The following CACNA1E variants were observed in gnomAD, a reference collection of about 807,000 sequenced individuals.
The protein encoded by CACNA1E is voltage-dependent R-type calcium channel subunit alpha-1E.
CACNA1E carries 40 observed loss-of-function variants against 259.2 expected under a neutral mutation model. The ratio of observed to expected loss-of-function variants is 0.15; its 90% CI spans 0.12 to 0.20. CACNA1E has a LOEUF of 0.20. Among genes scored for constraint, CACNA1E ranks in the 10% least tolerant of loss-of-function variants. CACNA1E has a pLI of 1.00. For synonymous variants in CACNA1E, 1,104 were observed against 1,138.5 expected (o/e 0.97, Z 0.61); for missense variants, 1,874 against 3,040.1 (o/e 0.62, Z 9.02).
chr1:181,738,245 G>A, intron 23 of CACNA1E, 122 bp from the exon 24 acceptor site: 1 of 762,218 alleles, frequency 1.3e-6, no homozygotes, highest in Non-Finnish European at 2.4e-6. Flanking sequence ...TTTGTTCTGA[G>A]GGTGCAGTGG....
chr1:181,724,992 A>C lies in CACNA1E; in HGVS notation c.2142+455A>C, dbSNP rs1654765043. Among the ~76,000 whole-genome samples the C allele has an allele frequency of 2.0e-5, 3 of 152,184 alleles. No homozygotes were observed. In the South Asian group the frequency reaches 6.2e-4, roughly 32 times the overall value. ...GCTGTTGGGATATTCCAGTAGGCAA[A>C]GGTCATTTTGGGGAAATTTCAATGA... On this transcript the variant is annotated intron_variant, in intron 17 of 47. Coordinates refer to ENST00000367573, the MANE Select transcript of CACNA1E (RefSeq NM_001205293.3).
At chr1:181,389,811 A>T (rs917475388) in intron 1 of CACNA1E, among the ~76,000 whole-genome samples, 2 of 152,246 alleles carry the variant, frequency 1.3e-5, no homozygotes, top group Non-Finnish European at 2.9e-5. Flanking sequence ...GTGCTGATTT[A>T]GAGCAGAAGG....
intron 1 of CACNA1E, among the ~76,000 whole-genome samples, chr1:181,354,711 G>A (rs993653047): frequency 6.6e-6 from 1 of 152,218 alleles, no homozygotes; most frequent in Non-Finnish European, 1.5e-5. Flanking sequence ...AGGGAAAAGG[G>A]CAGTAGAGCC....
At chr1:181,764,013 T>G (rs1658813064) in intron 34 of CACNA1E, among the ~76,000 whole-genome samples, 1 of 152,228 alleles carries the variant, frequency 6.6e-6, no homozygotes, top group African/African-American at 2.4e-5. Flanking sequence ...CCCACCTTTG[T>G]CTTCATCAGT....
In CACNA1E at chr1:181,690,109, G is replaced by A. The variant is rs575089214; in HGVS notation, c.1056-20845G>A. On this transcript the variant is annotated intron_variant, in intron 7 of 47. Coordinates refer to ENST00000367573, the MANE Select transcript of CACNA1E (RefSeq NM_001205293.3). The stretch of plus-strand genomic sequence containing the variant: ...TCTTATGGGGTTTTTATGGTTTGGG[G>A]TCTTACGTTTAAGTCTTTCATCCAT... Among the ~76,000 whole-genome samples the A allele has an allele frequency of 2.8e-4, 42 of 152,302 alleles. 1 individual carries two copies. Among genetic ancestry groups the A allele is most frequent in the African/African-American group, 9.9e-4 (41 of 41,566 alleles).
intron 29 of CACNA1E, 92 bp downstream of exon 29, chr1:181,756,185 T>C: frequency 7.9e-7 from 1 of 1,271,578 alleles, no homozygotes; most frequent in East Asian, 2.5e-5. Flanking sequence ...GGCTCACGCT[T>C]TGTTATTGTA....
upstream of CACNA1E, among the ~76,000 whole-genome samples, chr1:181,481,371 C>G (rs577233485): frequency 6.7e-6 from 1 of 149,272 alleles, no homozygotes; most frequent in Non-Finnish European, 1.5e-5. Context: ...CACACACACA[C>G]TCTCACATAC....
intron 3 of CACNA1E, among the ~76,000 whole-genome samples, chr1:181,518,199 A>G (rs1666733954): frequency 6.6e-6 from 1 of 152,066 alleles, no homozygotes; most frequent in Non-Finnish European, 1.5e-5. Flanking sequence ...AGATGAACAG[A>G]TATTTATTTA....
At chr1:181,610,113 A>G (rs1378519587) in intron 6 of CACNA1E, among the ~76,000 whole-genome samples, 1 of 152,184 alleles carries the variant, frequency 6.6e-6, no homozygotes, top group Non-Finnish European at 1.5e-5. Context: ...CTGACCTCTT[A>G]CTGTAAAAGC....
rs1239003409 is a variant in CACNA1E, at chr1:181,724,543, C to T, written c.2142+6C>T. 2 of 1,608,850 alleles carry T rather than the reference C, an allele frequency of 1.2e-6. No individual in the cohort carries two copies. Among genetic ancestry groups the T allele is most frequent in the Admixed American group, 1.7e-5 (1 of 59,660 alleles). The stretch of plus-strand genomic sequence containing the variant: ...ACGCCCAGGAACTGACCAAGGTAAG[C>T]ATTGTTTTCTGGGGATCTGATGTTT... On this transcript the variant is annotated splice_donor_region_variant and intron_variant, in intron 17 of 47. Coordinates refer to ENST00000367573, the MANE Select transcript of CACNA1E (RefSeq NM_001205293.3).
chr1:181,724,376 A>T, intron 16 of CACNA1E, 94 bp from the exon 17 acceptor site: 2 of 945,248 alleles, frequency 2.1e-6, no homozygotes, highest in Non-Finnish European at 3.4e-6. Flanking sequence ...TGTTCCTGTT[A>T]ATGTCCCAGG....
chr1:181,690,932 T>C (rs572825286), intron 7 of CACNA1E, among the ~76,000 whole-genome samples: 2 of 152,246 alleles, frequency 1.3e-5, no homozygotes, highest in South Asian at 2.1e-4. Flanking sequence ...CTTGGTGTTA[T>C]GGAGTTTACT....
At chr1:181,407,248 T>C (rs1360554067) in intron 1 of CACNA1E, among the ~76,000 whole-genome samples, 2 of 151,906 alleles carry the variant, frequency 1.3e-5, no homozygotes, top group Non-Finnish European at 2.9e-5. Context: ...CAGGGGAGAA[T>C]AGAGCTTTGC....
chr1:181,779,908 A>C (rs1329820780), intron 38 of CACNA1E, among the ~76,000 whole-genome samples: 3 of 152,014 alleles, frequency 2.0e-5, no homozygotes, highest in East Asian at 3.9e-4. Flanking sequence ...TATAGAATGC[A>C]GAAATATTTT....
chr1:181,790,754 C>G (rs1661233005), intron 44 of CACNA1E, among the ~76,000 whole-genome samples, 198 bp downstream of exon 44: 1 of 152,224 alleles, frequency 6.6e-6, no homozygotes, highest in Admixed American at 6.5e-5. Context: ...TCAGGTTTTA[C>G]AGTCCCAGAG....
At position 181,782,080 on chromosome 1, in the gene CACNA1E, A is replaced by G. The variant is rs79003136; in HGVS notation, c.5364+557A>G. On this transcript the variant is annotated intron_variant, in intron 39 of 47. Transcript: ENST00000367573. ...AGGAAGAATGGCATAGGTTCCTTCTAGGTGTAAGAAGAAAAGAGGAACCTG... is the reference window on the plus strand; with the variant it reads ...AGGAAGAATGGCATAGGTTCCTTCTGGGTGTAAGAAGAAAAGAGGAACCTG... Among the ~76,000 whole-genome samples, 824 of 152,340 alleles carry G rather than the reference A, an allele frequency of 5.4e-3. 13 individuals carry two copies. The highest frequency in any genetic ancestry group is 0.019 in the African/African-American group (792 of 41,590).
At chr1:181,466,593 C>T (rs187890130) in intron 2 of CACNA1E, among the ~76,000 whole-genome samples, 2 of 151,896 alleles carry the variant, frequency 1.3e-5, no homozygotes, top group Non-Finnish European at 2.9e-5. Flanking sequence ...CAAAACAAAA[C>T]AAAACACATA....
chr1:181,386,083 A>G (rs189852757), intron 1 of CACNA1E, among the ~76,000 whole-genome samples: 15 of 152,300 alleles, frequency 9.8e-5, no homozygotes, highest in African/African-American at 3.6e-4. Flanking sequence ...TCATTCTTTC[A>G]TTTGTAAATC....
chr1:181,721,697 A>T, intron 15 of CACNA1E, 61 bp from the exon 16 acceptor site: 3 of 1,068,850 alleles, frequency 2.8e-6, no homozygotes, highest in Admixed American at 1.7e-5. Flanking sequence ...TGCCCTTGGC[A>T]TTGGCCCCAT....
Sources: allele counts gnomAD v4.1 joint callset (sites outside exome capture counted in the v4.1 genomes callset), GRCh38; gene constraint gnomAD v4.1.1; transcripts MANE v1.5; gene names NCBI Gene and HGNC (gene_info 2026-07-23, HGNC 2026-07-21).